The following MAD1L1 variants were observed in gnomAD, a reference collection of about 807,000 sequenced individuals.
MAD1L1 encodes mitotic spindle assembly checkpoint protein MAD1.
In MAD1L1, 95 loss-of-function variants were observed where a neutral mutation model predicts 96.9. That is an observed-to-expected ratio of 0.98 (90% CI 0.83 to 1.16). The LOEUF (loss-of-function observed/expected upper bound fraction) is 1.16, where lower values mean the gene tolerates loss of function less well. MAD1L1 is among the 50% of genes most tolerant of loss of function. MAD1L1 has a pLI of 0.00. For synonymous variants in MAD1L1, 473 were observed against 396.6 expected, an observed-to-expected ratio of 1.19 and a Z score of -2.29; for missense variants, 1,007 against 954.4, an observed-to-expected ratio of 1.06 and a Z score of -0.73.
Position 2,216,151 on chromosome 7 carries a change from C to T in MAD1L1, c.809+6G>A. On this transcript the variant is annotated splice_donor_region_variant and intron_variant, in intron 8 of 18. Transcript: ENST00000265854. ...GGCGGCTGCCCCATCCCCCGCAACC[C>T]CTCACCGCAGGTGCGCGCTCTCCTC... 1 of 1,612,122 alleles carries T rather than the reference C, an allele frequency of 6.2e-7. No individual in the cohort carries two copies. The highest frequency in any genetic ancestry group is 1.7e-4 in the Middle Eastern group (1 of 5,980).
chr7:1,984,113 A>G (rs1277971444), intron 14 of MAD1L1, among the ~76,000 whole-genome samples: 3 of 152,242 alleles, frequency 2.0e-5, no homozygotes, highest in African/African-American at 7.2e-5. Flanking sequence ...AAGTGTTTTC[A>G]TGACAATTAT....
chr7:1,909,272 G>A (rs1052720600), intron 17 of MAD1L1, among the ~76,000 whole-genome samples: 1 of 152,208 alleles, frequency 6.6e-6, no homozygotes, highest in African/African-American at 2.4e-5. Context: ...GAGTGTCCCT[G>A]CAGAGAGTAC....
At chr7:2,138,625 G>A (rs189612282) in intron 11 of MAD1L1, among the ~76,000 whole-genome samples, 4 of 152,278 alleles carry the variant, frequency 2.6e-5, no homozygotes, top group East Asian at 1.9e-4. Flanking sequence ...AGGCCACACC[G>A]CCATCGCCTG....
chr7:1,849,185 G>A (rs959170846), intron 18 of MAD1L1: 1 of 151,356 alleles, frequency 6.6e-6, no homozygotes, highest in African/African-American at 2.4e-5. Flanking sequence ...GGGTCAGGGA[G>A]CTGATGCTGT....
At chr7:2,140,017 C>T (rs940826428) in intron 11 of MAD1L1, among the ~76,000 whole-genome samples, 1 of 151,280 alleles carries the variant, frequency 6.6e-6, no homozygotes, top group Non-Finnish European at 1.5e-5. Context: ...TGCCCTGCTC[C>T]ACTGCAGCAC....
chr7:2,006,580 C>T (rs371064592), intron 13 of MAD1L1, among the ~76,000 whole-genome samples: 1 of 151,800 alleles, frequency 6.6e-6, no homozygotes, highest in Non-Finnish European at 1.5e-5. Context: ...TAAACCCGCA[C>T]GGCCCAGCAC....
intron 12 of MAD1L1, among the ~76,000 whole-genome samples, chr7:2,031,623 C>T (rs1213633359): frequency 6.6e-6 from 1 of 152,246 alleles, no homozygotes; most frequent in Non-Finnish European, 1.5e-5. Context: ...ACGTGGGTGC[C>T]GTGCACATCT....
intron 11 of MAD1L1, among the ~76,000 whole-genome samples, chr7:2,099,248 T>C (rs1427826177): frequency 6.6e-6 from 1 of 152,192 alleles, no homozygotes; most frequent in African/African-American, 2.4e-5. Flanking sequence ...CTGTCTCACC[T>C]GGACCCACAG....
At chr7:2,079,943 A>G (rs1389162846) in intron 11 of MAD1L1, 1 of 362,788 alleles carries the variant, frequency 2.8e-6, no homozygotes, top group Non-Finnish European at 5.5e-6. Context: ...TGACGCAGAG[A>G]GGCACAGCAG....
chr7:2,141,958 C>T (rs1789056389), intron 11 of MAD1L1, among the ~76,000 whole-genome samples: 1 of 152,214 alleles, frequency 6.6e-6, no homozygotes, highest in South Asian at 2.1e-4. Context: ...GTCGCCGGGG[C>T]AGCCATCACC....
Position 2,010,229 on chromosome 7 carries a change from G to A in MAD1L1, c.1359+4273C>T, listed in dbSNP as rs573982969. On this transcript the variant is annotated intron_variant, in intron 13 of 18. Transcript: ENST00000265854. ...GATCAGGCTCTCCCCAGCCCTCCTGGAGCCAAACCACCCACGGCAGCCAAG... is the reference window on the plus strand; with the variant it reads ...GATCAGGCTCTCCCCAGCCCTCCTGAAGCCAAACCACCCACGGCAGCCAAG... Among the ~76,000 whole-genome samples the A allele has an allele frequency of 4.1e-3, 627 of 152,008 alleles. 6 individuals are homozygous for A. Among genetic ancestry groups the A allele is most frequent in the African/African-American group, 0.014 (593 of 41,460 alleles).
chr7:1,965,274 A>T (rs779788899), intron 15 of MAD1L1, among the ~76,000 whole-genome samples: 9 of 152,160 alleles, frequency 5.9e-5, no homozygotes, highest in Non-Finnish European at 8.8e-5. Flanking sequence ...GACACGGAGC[A>T]CCTCGCCCCT....
In MAD1L1 at chr7:1,906,540, G is replaced by A. The variant is rs10224148; in HGVS notation, c.1808-8150C>T. Among the ~76,000 whole-genome samples the A allele has an allele frequency of 3.7e-3, 567 of 152,342 alleles. 3 individuals are homozygous for A. The highest frequency in any genetic ancestry group is 0.013 in the African/African-American group (530 of 41,584). On this transcript the variant is annotated intron_variant, in intron 17 of 18. Transcript: ENST00000265854. ...CTCCAGTCTCTGGCTCCTGTTCTCCGCATGCTCTTTTCCTGCAGGGCACAG... is the reference window on the plus strand; with the variant it reads ...CTCCAGTCTCTGGCTCCTGTTCTCCACATGCTCTTTTCCTGCAGGGCACAG...
At chr7:2,145,711 C>A (rs1033806304) in intron 11 of MAD1L1, among the ~76,000 whole-genome samples, 1 of 152,174 alleles carries the variant, frequency 6.6e-6, no homozygotes. Context: ...GACATCAGAC[C>A]CTCCCTGGGC....
chr7:2,022,167 A>G (rs1782816511), intron 12 of MAD1L1, among the ~76,000 whole-genome samples: 1 of 152,182 alleles, frequency 6.6e-6, no homozygotes, highest in African/African-American at 2.4e-5. Context: ...TTTGAAGTAT[A>G]GGAGCAGCAA....
At chr7:2,138,437 T>G (rs1263148373) in intron 11 of MAD1L1, among the ~76,000 whole-genome samples, 2 of 152,160 alleles carry the variant, frequency 1.3e-5, no homozygotes, top group Non-Finnish European at 2.9e-5. Flanking sequence ...CCAGACCAAG[T>G]GGCCTAGAGA....
intron 12 of MAD1L1, among the ~76,000 whole-genome samples, chr7:2,016,429 C>T (rs961848298): frequency 1.3e-5 from 2 of 152,204 alleles, no homozygotes; most frequent in African/African-American, 2.4e-5. Flanking sequence ...AAGCGGAGTG[C>T]ACAAAACTGC....
At chr7:2,191,586 C>T (rs1791720013) in intron 10 of MAD1L1, among the ~76,000 whole-genome samples, 1 of 151,796 alleles carries the variant, frequency 6.6e-6, no homozygotes, top group African/African-American at 2.4e-5. Context: ...CAAAAATTAG[C>T]TGGGCGTGGT....
chr7:1,966,844 C>G (rs1780191250), intron 15 of MAD1L1, among the ~76,000 whole-genome samples: 1 of 152,228 alleles, frequency 6.6e-6, no homozygotes, highest in Non-Finnish European at 1.5e-5. Context: ...GCTGCGTGCG[C>G]AGGGCAGAGC....
Sources: allele counts gnomAD v4.1 joint callset (sites outside exome capture counted in the v4.1 genomes callset), GRCh38; gene constraint gnomAD v4.1.1; transcripts MANE v1.5; gene names NCBI Gene and HGNC (gene_info 2026-07-23, HGNC 2026-07-21).